Variants in PARP12 observed in about 807,000 individuals in gnomAD.
PARP12 encodes the protein protein mono-ADP-ribosyltransferase PARP12.
Under a neutral mutation model 72.4 loss-of-function variants are expected in PARP12, and 59 were observed. The observed-to-expected ratio is 0.81, with a 90% CI of 0.66 to 1.01. PARP12 has a LOEUF of 1.01. Ranked by LOEUF, PARP12 falls within the 50% of genes least tolerant of loss-of-function variation. PARP12 has a pLI of 0.00. For missense variants in PARP12, 851 were observed against 914.0 expected, an observed-to-expected ratio of 0.93 and a Z score of 0.89; for synonymous variants, 403 against 371.4, an observed-to-expected ratio of 1.09 and a Z score of -0.98.
At chr7:140,048,781 A>G (rs1816838888) in intron 4 of PARP12, among the ~76,000 whole-genome samples, 1 of 152,210 alleles carries the variant, frequency 6.6e-6, no homozygotes, top group South Asian at 2.1e-4. Flanking sequence ...ATTAAGTGAA[A>G]AAGGTAGAAA....
Position 140,062,946 on chromosome 7 carries a change from G to A in PARP12, c.-99C>T. 1.9e-6 allele frequency: 2 copies of A among 1,039,432 alleles called. No individual in the cohort carries two copies. Among genetic ancestry groups the A allele is most frequent in the South Asian group, 3.9e-5 (1 of 25,452 alleles). 64.4% of individuals were successfully genotyped at this position (1,039,432 alleles called of 1,614,324 possible). ...CTCTCGCAGGGTGGAGACGCCGGCG[G>A]GAAACGAAACCGAAAGCGGCCCCGG... On this transcript the variant is annotated 5_prime_UTR_variant, in exon 1 of 12. Coordinates refer to ENST00000263549, the MANE Select transcript of PARP12 (RefSeq NM_022750.4).
chr7:140,051,670 C>G (rs1031494444), intron 4 of PARP12, among the ~76,000 whole-genome samples: 1 of 152,296 alleles, frequency 6.6e-6, no homozygotes, highest in Admixed American at 6.5e-5. Flanking sequence ...AGATTACAGG[C>G]ATGAGCCACC....
At position 140,054,699 on chromosome 7, in the gene PARP12, G is replaced by C. The variant is rs767881927; in HGVS notation, c.825C>G (p.Ile275Met). The C allele has an allele frequency of 6.2e-7, 1 of 1,614,006 alleles. No homozygotes were observed. Among genetic ancestry groups the C allele is most frequent in the African/African-American group, 1.3e-5 (1 of 74,936 alleles). Residue 275 changes from isoleucine to methionine, a missense_variant, in exon 4 of 12, where the codon ATC becomes ATG. This residue lies in a region of PARP12 where 492 missense variants were observed against 489.3 expected (regional missense o/e 1.01). Coordinates refer to ENST00000263549, the MANE Select transcript of PARP12 (RefSeq NM_022750.4). ...NTLSQEEGDQ[I>M]CLYHIRKSCS... is the part of the protein sequence containing the mutation. Reference sequence around the variant, plus strand: ...AACTTTTCCGGATATGGTACAAACAGATCTGATCACCCTCCTCCTGGCTAA... The same window carrying C: ...AACTTTTCCGGATATGGTACAAACACATCTGATCACCCTCCTCCTGGCTAA...
At chr7:140,056,532 G>A (rs372828421) in intron 3 of PARP12, among the ~76,000 whole-genome samples, 1 of 152,182 alleles carries the variant, frequency 6.6e-6, no homozygotes, top group African/African-American at 2.4e-5. Context: ...TCTCGTGGGG[G>A]TGAAGATAGG....
At chr7:140,037,571 G>A in intron 7 of PARP12, 144 bp downstream of exon 7, 1 of 1,106,504 alleles carries the variant, frequency 9.0e-7, no homozygotes, top group East Asian at 2.5e-5. Context: ...CTGTCTCCAG[G>A]TCTACCTTGG....
chr7:140,054,652 T>C lies in PARP12; in HGVS notation c.862+10A>G. ...CCACAAGTGGAATGAAGGAGCCTCT[T>C]CCAACTTACCTTGAAAGCTACAACT... is the stretch of plus-strand genomic sequence containing the variant. On this transcript the variant is annotated intron_variant, in intron 4 of 11. Coordinates refer to ENST00000263549, the MANE Select transcript of PARP12 (RefSeq NM_022750.4). 2 of 1,602,462 alleles carry C rather than the reference T, an allele frequency of 1.2e-6. No homozygotes were observed. Among genetic ancestry groups the C allele is most frequent in the Non-Finnish European group, 1.7e-6 (2 of 1,169,416 alleles).
intron 11 of PARP12, 138 bp downstream of exon 11, chr7:140,026,059 T>C: frequency 7.8e-7 from 1 of 1,281,396 alleles, no homozygotes. Flanking sequence ...GACTGGTAGC[T>C]GTGCCCAGGT....
intron 4 of PARP12, among the ~76,000 whole-genome samples, chr7:140,052,686 A>AT (rs1409103796): frequency 2.0e-5 from 3 of 147,506 alleles, no homozygotes; most frequent in African/African-American, 7.6e-5. Flanking sequence ...TCCATGCATA[A>AT]TTTTTTCATA....
rs1459058608 is a variant in PARP12 at position 140,036,010 on chromosome 7, GAA to G, written c.1325-1681_1325-1680del. ...AGGAGGAGGAGGAGGAGAAGGAGGA[GAA>G]GGAGGAGAAGGAGGAGAAGGAGGAG... On this transcript the variant is annotated intron_variant, in intron 7 of 11. Coordinates refer to ENST00000263549, the MANE Select transcript of PARP12 (RefSeq NM_022750.4). 2.8e-4 allele frequency among the ~76,000 whole-genome samples: 13 copies of G among 47,248 alleles called. 3 individuals carry two copies. The highest frequency in any genetic ancestry group is 5.1e-4 in the African/African-American group (3 of 5,888). 31.0% of individuals were successfully genotyped at this position (47,248 alleles called of 152,430 possible). A position where few individuals can be genotyped will look rare whatever the true frequency, so the allele number is the denominator to read the frequency against.
chr7:140,024,922 C>A, intron 11 of PARP12, 37 bp from the exon 12 acceptor site: 1 of 1,594,426 alleles, frequency 6.3e-7, no homozygotes, highest in Non-Finnish European at 8.6e-7. Flanking sequence ...GGTGGAGGGG[C>A]CTGCAGCCAG....
At position 140,062,497 on chromosome 7, in the gene PARP12, C is replaced by A; in HGVS notation, c.326+25G>T. On this transcript the variant is annotated intron_variant, in intron 1 of 11. Coordinates refer to ENST00000263549, the MANE Select transcript of PARP12 (RefSeq NM_022750.4). ...GAGGGCGCGCAGGACCTCCGCCCGCCGTCGCTCCCGGCGCGGCGCCTTACC... is the reference window on the plus strand; with the variant it reads ...GAGGGCGCGCAGGACCTCCGCCCGCAGTCGCTCCCGGCGCGGCGCCTTACC... 2.0e-6 allele frequency: 3 copies of A among 1,520,776 alleles called. No individual in the cohort carries two copies. In the South Asian group the frequency reaches 3.6e-5, roughly 18 times the overall value. 94.2% of individuals were successfully genotyped at this position (1,520,776 alleles called of 1,614,324 possible).
intron 2 of PARP12, chr7:140,057,483 C>T: frequency 2.5e-6 from 1 of 397,086 alleles, no homozygotes; most frequent in Non-Finnish European, 4.5e-6. Context: ...TCTACCTATA[C>T]TCTTCCCACA....
At chr7:140,058,253 C>T (rs10253126) in intron 1 of PARP12, among the ~76,000 whole-genome samples, 80,922 of 151,980 alleles carry the variant, frequency 0.53, 24,039 homozygotes, top group African/African-American at 0.8. Context: ...GGCTCATGCC[C>T]GTAATCCCAG....
intron 10 of PARP12, 31 bp from the exon 11 acceptor site, chr7:140,026,379 C>T: frequency 2.5e-6 from 4 of 1,590,220 alleles, no homozygotes; most frequent in Non-Finnish European, 3.4e-6. Context: ...GTGCTGGGGG[C>T]AGAGTGTGCC....
intron 10 of PARP12, 115 bp downstream of exon 10, chr7:140,027,161 A>G (rs1585079811): frequency 5.1e-6 from 7 of 1,385,288 alleles, no homozygotes; most frequent in Admixed American, 2.0e-5. Flanking sequence ...CTCCCAGCAC[A>G]TGGCAGCCCT....
intron 8 of PARP12, 145 bp downstream of exon 8, chr7:140,034,090 A>G: frequency 1.5e-6 from 2 of 1,353,614 alleles, no homozygotes; most frequent in South Asian, 3.1e-5. Flanking sequence ...AACTAGTAGA[A>G]GACAAACGAT....
At chr7:140,039,471 A>C (rs950042442) in intron 6 of PARP12, among the ~76,000 whole-genome samples, 2 of 152,292 alleles carry the variant, frequency 1.3e-5, no homozygotes, top group African/African-American at 4.8e-5. Flanking sequence ...TGGAAGGAGA[A>C]ACCAACAATG....
At chr7:140,027,562 C>T in intron 9 of PARP12, 156 bp from the exon 10 acceptor site, 7 of 790,354 alleles carry the variant, frequency 8.9e-6, no homozygotes, top group South Asian at 5.7e-5. Context: ...GCACAGGAGA[C>T]AATCGGTCCT....
intron 4 of PARP12, among the ~76,000 whole-genome samples, chr7:140,048,952 A>C (rs149951412): frequency 1.3e-5 from 2 of 152,352 alleles, no homozygotes; most frequent in African/African-American, 2.4e-5. Context: ...CTTATTTCTT[A>C]CTGAGTGTCC....
Sources: allele counts gnomAD v4.1 joint callset (sites outside exome capture counted in the v4.1 genomes callset), GRCh38; gene constraint gnomAD v4.1.1; regional missense constraint gnomAD v4.1.1; transcripts MANE v1.5; gene names NCBI Gene and HGNC (gene_info 2026-07-23, HGNC 2026-07-21).